GALNTL6: variants seen among roughly 807,000 people sequenced by gnomAD.
The protein encoded by GALNTL6 is polypeptide N-acetylgalactosaminyltransferase like 6.
Under a neutral mutation model 73.7 loss-of-function variants are expected in GALNTL6, and 46 were observed. The ratio of observed to expected loss-of-function variants is 0.62; its 90% CI spans 0.49 to 0.80. The LOEUF (loss-of-function observed/expected upper bound fraction) is 0.80. Among genes scored for constraint, GALNTL6 ranks in the 30% least tolerant of loss-of-function variants. The probability of loss-of-function intolerance (pLI) is 0.00; values close to 1 mark genes in which losing one functional copy is unlikely to be tolerated. For synonymous variants in GALNTL6, 259 were observed against 263.7 expected (o/e 0.98, Z 0.17); for missense variants, 604 against 755.0 (o/e 0.80, Z 2.34).
At chr4:172,003,799 A>T (rs1740749344) in intron 2 of GALNTL6, among the ~76,000 whole-genome samples, 1 of 152,022 alleles carries the variant, frequency 6.6e-6, no homozygotes, top group Non-Finnish European at 1.5e-5. Flanking sequence ...TTTCCATTAT[A>T]TTGTATGGCT....
chr4:172,191,155 T>G (rs1173636905), intron 2 of GALNTL6, among the ~76,000 whole-genome samples: 1 of 152,222 alleles, frequency 6.6e-6, no homozygotes. Context: ...TCAATGCTCT[T>G]TCAGCTTTGT....
chr4:172,504,175 A>AAAAAAAAAAAAAAAAAAAAAAAAAC lies in GALNTL6; in HGVS notation c.553+155490_553+155491insAAAAAAAAAAAAAAAAAAAACAAAA, dbSNP rs1363544210. On this transcript the variant is annotated intron_variant, in intron 5 of 12. Transcript: ENST00000506823. ...ACTCTGTCTCAAAAAAAAAAAAAAA[A>AAAAAAAAAAAAAAAAAAAAAAAAAC]AAAACTCACACCTTGTTGATATTGG... Among the ~76,000 whole-genome samples the AAAAAAAAAAAAAAAAAAAAAAAAAC allele has an allele frequency of 6.1e-4, 24 of 39,318 alleles. 8 individuals are homozygous for AAAAAAAAAAAAAAAAAAAAAAAAAC. Among genetic ancestry groups the AAAAAAAAAAAAAAAAAAAAAAAAAC allele is most frequent in the African/African-American group, 1.8e-3 (24 of 13,020 alleles). The allele number at this position is 39,318 out of a possible 152,430, so 25.8% of individuals were successfully genotyped here. A position where few individuals can be genotyped will look rare whatever the true frequency, so the allele number is the denominator to read the frequency against.
chr4:172,813,467 C>A, intron 6 of GALNTL6, 73 bp from the exon 7 acceptor site: 1 of 1,300,400 alleles, frequency 7.7e-7, no homozygotes, highest in Non-Finnish European at 1.1e-6. Context: ...GGACTGTAGG[C>A]TTCTCTTTGC....
chr4:172,826,221 C>T (rs1316168464), intron 7 of GALNTL6, among the ~76,000 whole-genome samples: 1 of 152,200 alleles, frequency 6.6e-6, no homozygotes, highest in Non-Finnish European at 1.5e-5. Context: ...CTACTGGGTT[C>T]TGCTCTGTCC....
At chr4:172,285,027 T>C (rs1739197487) in intron 3 of GALNTL6, among the ~76,000 whole-genome samples, 1 of 152,190 alleles carries the variant, frequency 6.6e-6, no homozygotes, top group East Asian at 1.9e-4. Flanking sequence ...TGAAATTGCT[T>C]TGCATAGTAT....
At chr4:171,978,562 T>G (rs10022562) in intron 2 of GALNTL6, among the ~76,000 whole-genome samples, 3,596 of 152,300 alleles carry the variant, frequency 0.024, 133 homozygotes, top group African/African-American at 0.083. Context: ...AAGAAACAAG[T>G]TTCTTGAGCA....
chr4:171,867,558 G>A (rs1736003279), intron 2 of GALNTL6, among the ~76,000 whole-genome samples: 2 of 152,074 alleles, frequency 1.3e-5, no homozygotes, highest in Admixed American at 1.3e-4. Context: ...TTCTAAATCA[G>A]ACCACTGTTG....
At chr4:172,878,449 G>C (rs528644054) in intron 7 of GALNTL6, among the ~76,000 whole-genome samples, 2 of 151,718 alleles carry the variant, frequency 1.3e-5, no homozygotes, top group Admixed American at 6.6e-5. Context: ...GATTTAAAAC[G>C]TGTAAAAGTA....
At chr4:172,062,994 C>G (rs1351486566) in intron 2 of GALNTL6, among the ~76,000 whole-genome samples, 1 of 152,206 alleles carries the variant, frequency 6.6e-6, no homozygotes, top group Non-Finnish European at 1.5e-5. Flanking sequence ...TTGCAAAGTA[C>G]TTTTCATTAC....
chr4:172,682,408 A>T (rs1732678463), intron 5 of GALNTL6, among the ~76,000 whole-genome samples: 1 of 152,158 alleles, frequency 6.6e-6, no homozygotes, highest in Non-Finnish European at 1.5e-5. Context: ...AATATATATA[A>T]CATCAAGATA....
chr4:171,923,688 G>A (rs1737872059), intron 2 of GALNTL6, among the ~76,000 whole-genome samples: 2 of 151,272 alleles, frequency 1.3e-5, no homozygotes, highest in Admixed American at 6.6e-5. Flanking sequence ...TTACAGGTGT[G>A]GACCCTGACA....
chr4:172,358,415 C>T (rs564258462), intron 5 of GALNTL6, among the ~76,000 whole-genome samples: 3 of 152,378 alleles, frequency 2.0e-5, no homozygotes, highest in East Asian at 1.9e-4. Context: ...GTTGGTCCAA[C>T]CCATGGCCTG....
chr4:171,896,629 A>G (rs1736925037), intron 2 of GALNTL6, among the ~76,000 whole-genome samples: 1 of 152,200 alleles, frequency 6.6e-6, no homozygotes, highest in Non-Finnish European at 1.5e-5. Flanking sequence ...GGAAAGGATA[A>G]GAGGTCTTTC....
intron 5 of GALNTL6, among the ~76,000 whole-genome samples, chr4:172,562,004 C>T (rs181184930): frequency 3.7e-4 from 56 of 152,228 alleles, no homozygotes; most frequent in African/African-American, 1.2e-3. Context: ...GCTACTTTAT[C>T]GCTATGCAAC....
chr4:171,945,996 G>GA (rs1040515052), intron 2 of GALNTL6, among the ~76,000 whole-genome samples: 1 of 152,004 alleles, frequency 6.6e-6, no homozygotes, highest in Admixed American at 6.6e-5. Flanking sequence ...AGAGCTTACT[G>GA]AAAAAAATCA....
intron 5 of GALNTL6, among the ~76,000 whole-genome samples, chr4:172,620,894 C>T (rs1738926788): frequency 6.6e-6 from 1 of 152,228 alleles, no homozygotes; most frequent in African/African-American, 2.4e-5. Context: ...CTGAACCAAA[C>T]TCTGGTTCCA....
intron 5 of GALNTL6, among the ~76,000 whole-genome samples, chr4:172,638,666 G>A (rs548562791): frequency 5.0e-4 from 76 of 152,180 alleles, no homozygotes; most frequent in African/African-American, 1.4e-3. Flanking sequence ...TATAATTATC[G>A]AAATATAGTT....
chr4:172,238,962 T>C (rs548738824), intron 3 of GALNTL6, among the ~76,000 whole-genome samples: 8 of 152,212 alleles, frequency 5.3e-5, no homozygotes, highest in Non-Finnish European at 1.0e-4. Flanking sequence ...TACTTGATCA[T>C]GATGGATTAG....
At chr4:172,023,899 A>G (rs1484738529) in intron 2 of GALNTL6, among the ~76,000 whole-genome samples, 1 of 151,876 alleles carries the variant, frequency 6.6e-6, no homozygotes, top group Non-Finnish European at 1.5e-5. Context: ...TTAAAAGTAT[A>G]ATAATCAAAT....
Sources: gnomAD v4.1 joint callset for allele counts (sites outside exome capture counted in the v4.1 genomes callset) on GRCh38, gnomAD v4.1.1 for gene constraint, MANE v1.5 for transcripts, NCBI Gene and HGNC (gene_info 2026-07-23, HGNC 2026-07-21) for gene names.